The following RERE variants were observed in gnomAD, a reference collection of about 807,000 sequenced individuals.
RERE encodes arginine-glutamic acid dipeptide repeats.
RERE carries 40 observed loss-of-function variants against 146.1 expected under a neutral mutation model. The observed-to-expected ratio is 0.27, with a 90% CI of 0.21 to 0.36. The LOEUF (loss-of-function observed/expected upper bound fraction) is 0.36, where lower values mean the gene tolerates loss of function less well. Ranked by LOEUF, RERE falls within the 10% of genes least tolerant of loss-of-function variation. The pLI, the probability that RERE is intolerant of heterozygous loss-of-function variation, is 1.00. For missense variants in RERE, 1,933 were observed against 2,138.7 expected, an observed-to-expected ratio of 0.90 and a Z score of 1.90; for synonymous variants, 1,003 against 866.0, an observed-to-expected ratio of 1.16 and a Z score of -2.78.
intron 1 of RERE, among the ~76,000 whole-genome samples, chr1:8,748,758 C>T (rs1365592435): frequency 1.3e-5 from 2 of 152,206 alleles, no homozygotes; most frequent in Middle Eastern, 3.2e-3. Context: ...AAGGTGTGGA[C>T]TTTAAGCATT....
chr1:8,557,796 G>C (rs1319224982), intron 4 of RERE, among the ~76,000 whole-genome samples: 14 of 152,150 alleles, frequency 9.2e-5, no homozygotes, highest in Admixed American at 9.2e-4. Flanking sequence ...TATCTCCCCA[G>C]TTTAACTAAT....
At chr1:8,376,598 C>G (rs626553) in intron 12 of RERE, among the ~76,000 whole-genome samples, 40 of 152,238 alleles carry the variant, frequency 2.6e-4, no homozygotes, top group Non-Finnish European at 4.6e-4. Flanking sequence ...CCACCAGCTT[C>G]TGATACAGGA....
intron 12 of RERE, among the ~76,000 whole-genome samples, chr1:8,385,653 C>T (rs1054004366): frequency 1.3e-5 from 2 of 151,952 alleles, no homozygotes; most frequent in African/African-American, 4.8e-5. Flanking sequence ...GCCTGACCAG[C>T]TACCCGGAGA....
At chr1:8,457,422 C>G (rs1040797104) in intron 11 of RERE, among the ~76,000 whole-genome samples, 1 of 152,054 alleles carries the variant, frequency 6.6e-6, no homozygotes, top group African/African-American at 2.4e-5. Context: ...AAGGCAAGTG[C>G]AAAAACAAAA....
rs141246537 is a variant in RERE at position 8,490,198 on chromosome 1, G to A, written c.1104+4865C>T. 3.8e-4 allele frequency among the ~76,000 whole-genome samples: 54 copies of A among 143,892 alleles called. 4 individuals are homozygous for A. The highest frequency in any genetic ancestry group is 1.5e-3 in the African/African-American group (50 of 34,174). 94.4% of individuals were successfully genotyped at this position (143,892 alleles called of 152,430 possible). A position where few individuals can be genotyped will look rare whatever the true frequency, so the allele number is the denominator to read the frequency against. ...CAACGTGGTGAAATCCTGTCTCTAC[G>A]AAAAATACAAAAAAATTAGCTGGAC... is the stretch of plus-strand genomic sequence containing the variant. On this transcript the variant is annotated intron_variant, in intron 10 of 22. Transcript: ENST00000400908.
intron 4 of RERE, among the ~76,000 whole-genome samples, chr1:8,574,340 C>CTTTTTTTTTTT (rs35921166): frequency 1.1e-5 from 1 of 87,218 alleles, no homozygotes; most frequent in Non-Finnish European, 2.1e-5. Flanking sequence ...TATATATAGT[C>CTTTTTTTTTTT]TTTTTTTTTT....
chr1:8,524,976 T>C (rs1451613404), intron 7 of RERE, among the ~76,000 whole-genome samples: 3 of 152,334 alleles, frequency 2.0e-5, no homozygotes, highest in South Asian at 4.1e-4. Context: ...AAAAATGCTA[T>C]CCGATTCTAA....
rs1641177943 is a variant in RERE at position 8,353,608 on chromosome 1, A to AT, written c.*1478_*1479insA. The stretch of plus-strand genomic sequence containing the variant: ...CCCTCAGCCTGGGAGAAAGTGCGTT[A>AT]CGGCTGCAGCCTGGAAACGAGGGCA... On this transcript the variant is annotated 3_prime_UTR_variant, in exon 23 of 23. Coordinates refer to ENST00000400908, the MANE Select transcript of RERE (RefSeq NM_001042681.2). 6.6e-6 allele frequency: 1 copy of AT among 152,288 alleles called. No homozygotes were observed. The highest frequency in any genetic ancestry group is 1.5e-5 in the Non-Finnish European group (1 of 68,094). 9.4% of individuals were successfully genotyped at this position (152,288 alleles called of 1,614,324 possible).
At chr1:8,508,543 TA>T in intron 8 of RERE, 83 bp downstream of exon 8, 1 of 1,075,670 alleles carries the variant, frequency 9.3e-7, no homozygotes, top group Non-Finnish European at 1.4e-6. Flanking sequence ...AACCACATTC[TA>T]AGATGCTGCG....
At chr1:8,731,849 C>T (rs1159507703) in intron 1 of RERE, among the ~76,000 whole-genome samples, 1 of 152,144 alleles carries the variant, frequency 6.6e-6, no homozygotes, top group Admixed American at 6.5e-5. Flanking sequence ...GTCACCCAGG[C>T]TGGAGTGCAA....
intron 12 of RERE, among the ~76,000 whole-genome samples, chr1:8,408,274 C>T (rs949350942): frequency 3.3e-5 from 5 of 152,050 alleles, no homozygotes; most frequent in Admixed American, 6.6e-5. Context: ...TAATCAAAGC[C>T]GAGTAGTAAC....
Position 8,358,465 on chromosome 1 carries a change from G to T in RERE, c.4070C>A (p.Pro1357Gln). The T allele has an allele frequency of 6.3e-7, 1 of 1,580,874 alleles. No homozygotes were observed. Among genetic ancestry groups the T allele is most frequent in the Non-Finnish European group, 8.6e-7 (1 of 1,160,952 alleles). Residue 1357 changes from proline to glutamine, a missense_variant, in exon 20 of 23, where the codon CCG becomes CAG. Pro to Gln is a moderately conservative substitution (Grantham distance 76). Coordinates refer to ENST00000400908, the MANE Select transcript of RERE (RefSeq NM_001042681.2). ...FARHSALTIP[P>Q]TAGPHPFASF... ...AGCAAAAGGGTGGGGCCCGGCGGTC[G>T]GGGGGATGGTGAGGGCGCTGTGCCG...
intron 1 of RERE, among the ~76,000 whole-genome samples, chr1:8,684,503 G>A (rs915238203): frequency 2.6e-5 from 4 of 152,078 alleles, no homozygotes; most frequent in African/African-American, 9.7e-5. Flanking sequence ...TGTTACAGAA[G>A]CACTAAGTAT....
chr1:8,805,501 T>C (rs1253999130), intron 1 of RERE, among the ~76,000 whole-genome samples: 5 of 151,834 alleles, frequency 3.3e-5, no homozygotes, highest in Non-Finnish European at 7.4e-5. Context: ...ATACAAAAAT[T>C]AGCCAGGCAT....
At chr1:8,792,174 T>A (rs1321491985) in intron 1 of RERE, among the ~76,000 whole-genome samples, 1 of 152,208 alleles carries the variant, frequency 6.6e-6, no homozygotes, top group African/African-American at 2.4e-5. Context: ...AGTTATAAAT[T>A]CTTATAACCC....
intron 1 of RERE, among the ~76,000 whole-genome samples, chr1:8,708,215 G>T (rs1639594901): frequency 1.3e-5 from 2 of 152,202 alleles, no homozygotes; most frequent in African/African-American, 4.8e-5. Flanking sequence ...GAAGGACCCG[G>T]TTGGAGATAA....
intron 8 of RERE, among the ~76,000 whole-genome samples, chr1:8,503,898 T>C (rs909261006): frequency 6.6e-6 from 1 of 152,228 alleles, no homozygotes; most frequent in African/African-American, 2.4e-5. Context: ...TGGGCTGTTA[T>C]ATGTGTATTA....
In RERE at chr1:8,353,149, C is replaced by A. The variant is rs951661312; in HGVS notation, c.*1938G>T. On this transcript the variant is annotated 3_prime_UTR_variant, in exon 23 of 23. Transcript: ENST00000400908. ...CAAGCCAATGTGGCCTGAAGTCCCA[C>A]GACAAAAGGTTCATGTCAGCTTTGC... The A allele has an allele frequency of 2.0e-5, 3 of 152,380 alleles. No homozygotes were observed. The highest frequency in any genetic ancestry group is 7.2e-5 in the African/African-American group (3 of 41,396). The allele number at this position is 152,380 out of a possible 1,614,324, so 9.4% of individuals were successfully genotyped here.
intron 12 of RERE, among the ~76,000 whole-genome samples, chr1:8,415,080 C>G (rs1043707704): frequency 3.9e-5 from 6 of 152,102 alleles, no homozygotes; most frequent in African/African-American, 1.4e-4. Flanking sequence ...TGTCGGTTTC[C>G]TAACAGACTA....
Sources: gnomAD v4.1 joint callset for allele counts (sites outside exome capture counted in the v4.1 genomes callset) on GRCh38, gnomAD v4.1.1 for gene constraint, MANE v1.5 for transcripts, NCBI Gene and HGNC (gene_info 2026-07-23, HGNC 2026-07-21) for gene names.